LRMDA: variants seen among roughly 807,000 people sequenced by gnomAD.
The protein encoded by LRMDA is leucine-rich melanocyte differentiation-associated protein.
A neutral mutation model predicts 29.8 loss-of-function variants in LRMDA; 18 were observed. The ratio of observed to expected loss-of-function variants is 0.60; its 90% CI spans 0.42 to 0.90. The LOEUF (loss-of-function observed/expected upper bound fraction) is 0.90. Among genes scored for constraint, LRMDA ranks in the 40% least tolerant of loss-of-function variants. The pLI is 0.00. For missense variants in LRMDA, 273 were observed against 273.9 expected (o/e 1.00, Z 0.02); for synonymous variants, 125 against 109.4 (o/e 1.14, Z -0.89).
chr10:75,645,998 T>C lies in LRMDA; in HGVS notation c.131+207504T>C, dbSNP rs188926977. On this transcript the variant is annotated intron_variant, in intron 2 of 6. Coordinates refer to ENST00000611255, the MANE Select transcript of LRMDA (RefSeq NM_001305581.2). ...TCCTGCTCCTTTCCTGCCGTGATAT[T>C]TTCCTTCCTCTATCTGTACTCCTAA... Among the ~76,000 whole-genome samples, 424 of 152,078 alleles carry C rather than the reference T, an allele frequency of 2.8e-3. 3 individuals are homozygous for C. The highest frequency in any genetic ancestry group is 9.6e-3 in the African/African-American group (397 of 41,452).
chr10:75,607,677 TG>T, intron 2 of LRMDA, among the ~76,000 whole-genome samples: 1 of 152,162 alleles, frequency 6.6e-6, no homozygotes, highest in East Asian at 1.9e-4. Flanking sequence ...GTTTTGGTTT[TG>T]TAACAACAGC....
At chr10:75,453,275 G>T (rs1844479727) in intron 2 of LRMDA, among the ~76,000 whole-genome samples, 1 of 152,186 alleles carries the variant, frequency 6.6e-6, no homozygotes, top group South Asian at 2.1e-4. Flanking sequence ...TAGTAGTTTT[G>T]TCTCTGCCTG....
chr10:76,274,705 G>T (rs1840109741), intron 5 of LRMDA, among the ~76,000 whole-genome samples: 1 of 152,108 alleles, frequency 6.6e-6, no homozygotes, highest in Non-Finnish European at 1.5e-5. Flanking sequence ...ATAAAAATTA[G>T]ATCAACAATC....
chr10:75,595,891 T>C (rs1011006871), intron 2 of LRMDA, among the ~76,000 whole-genome samples: 8 of 152,142 alleles, frequency 5.3e-5, no homozygotes, highest in Admixed American at 5.2e-4. Flanking sequence ...ATGATTCTCT[T>C]CATTTTTTTC....
chr10:76,320,858 G>A (rs1840762507), intron 5 of LRMDA, among the ~76,000 whole-genome samples: 1 of 152,164 alleles, frequency 6.6e-6, no homozygotes, highest in African/African-American at 2.4e-5. Context: ...CATGAATTTA[G>A]TGTACATTTT....
intron 2 of LRMDA, among the ~76,000 whole-genome samples, chr10:75,441,131 T>C (rs948730307): frequency 2.0e-5 from 3 of 152,164 alleles, no homozygotes; most frequent in Admixed American, 1.3e-4. Flanking sequence ...ACCTTCCAAA[T>C]GAGTGGGGAT....
chr10:75,828,261 T>C (rs1844279950), intron 2 of LRMDA, among the ~76,000 whole-genome samples: 1 of 152,202 alleles, frequency 6.6e-6, no homozygotes, highest in African/African-American at 2.4e-5. Context: ...AAATATCTTT[T>C]TGCTGCATAA....
At chr10:75,886,887 T>C (rs2132349445) in intron 2 of LRMDA, among the ~76,000 whole-genome samples, 1 of 152,240 alleles carries the variant, frequency 6.6e-6, no homozygotes, top group African/African-American at 2.4e-5. Flanking sequence ...GACTAAATCG[T>C]CAGGGCCCTT....
chr10:75,512,832 G>A (rs1326906738), intron 2 of LRMDA, among the ~76,000 whole-genome samples: 2 of 152,170 alleles, frequency 1.3e-5, no homozygotes, highest in African/African-American at 4.8e-5. Flanking sequence ...GTATACCTGT[G>A]TGGACATGAG....
chr10:75,969,983 C>T (rs898834423), intron 2 of LRMDA, among the ~76,000 whole-genome samples: 2 of 152,306 alleles, frequency 1.3e-5, no homozygotes, highest in Middle Eastern at 3.4e-3. Flanking sequence ...AAAGATTGTG[C>T]ATGCTACCAT....
chr10:76,268,441 T>G (rs1589402779), intron 5 of LRMDA, among the ~76,000 whole-genome samples: 1 of 152,216 alleles, frequency 6.6e-6, no homozygotes, highest in African/African-American at 2.4e-5. Context: ...TCCATTTCTT[T>G]GGCTTCATGG....
chr10:76,239,902 AT>A (rs1235338508), intron 5 of LRMDA, among the ~76,000 whole-genome samples: 1 of 151,926 alleles, frequency 6.6e-6, no homozygotes, highest in Non-Finnish European at 1.5e-5. Flanking sequence ...TAATCATTAC[AT>A]TTTATGTATA....
intron 5 of LRMDA, among the ~76,000 whole-genome samples, chr10:76,183,899 T>G (rs1039765446): frequency 6.6e-6 from 1 of 152,150 alleles, no homozygotes. Flanking sequence ...AAAGAAAAAT[T>G]TGTAGAGACC....
At chr10:75,449,425 A>G (rs566667827) in intron 2 of LRMDA, among the ~76,000 whole-genome samples, 2 of 152,276 alleles carry the variant, frequency 1.3e-5, no homozygotes, top group South Asian at 4.2e-4. Flanking sequence ...CAGTTATCCT[A>G]AACTGCTTTT....
At chr10:75,962,910 G>A (rs192935558) in intron 2 of LRMDA, among the ~76,000 whole-genome samples, 12 of 152,220 alleles carry the variant, frequency 7.9e-5, no homozygotes, top group South Asian at 4.2e-4. Context: ...CTTGGCCCAC[G>A]GACCTAGATT....
intron 2 of LRMDA, among the ~76,000 whole-genome samples, chr10:75,758,526 C>T (rs866827015): frequency 2.6e-5 from 4 of 152,174 alleles, no homozygotes; most frequent in Non-Finnish European, 5.9e-5. Flanking sequence ...GTCCGTCTTG[C>T]GTGGCAGTGA....
At chr10:75,519,420 T>C (rs1307270756) in intron 2 of LRMDA, among the ~76,000 whole-genome samples, 2 of 152,254 alleles carry the variant, frequency 1.3e-5, no homozygotes, top group Admixed American at 6.5e-5. Flanking sequence ...GTTGCATTGA[T>C]CCCTTTACCA....
At chr10:75,446,226 G>T (rs190610988) in intron 2 of LRMDA, among the ~76,000 whole-genome samples, 24 of 152,344 alleles carry the variant, frequency 1.6e-4, no homozygotes, top group African/African-American at 5.8e-4. Context: ...GACCATCCTG[G>T]CTTGAAACCC....
intron 2 of LRMDA, among the ~76,000 whole-genome samples, chr10:75,704,704 C>T (rs1842346736): frequency 6.6e-6 from 1 of 152,128 alleles, no homozygotes; most frequent in African/African-American, 2.4e-5. Context: ...GCATGGAAAC[C>T]AGTAGCTGGA....
Sources: allele counts gnomAD v4.1 joint callset (sites outside exome capture counted in the v4.1 genomes callset), GRCh38; gene constraint gnomAD v4.1.1; transcripts MANE v1.5; gene names NCBI Gene and HGNC (gene_info 2026-07-23, HGNC 2026-07-21).